The following TOGARAM1 variants were observed in gnomAD, a reference collection of about 807,000 sequenced individuals.
TOGARAM1 encodes TOG array regulator of axonemal microtubules protein 1.
A neutral mutation model predicts 166.6 loss-of-function variants in TOGARAM1; 100 were observed. That is an observed-to-expected ratio of 0.60 (90% CI 0.51 to 0.71). The LOEUF (loss-of-function observed/expected upper bound fraction) is 0.71. TOGARAM1 is among the 30% of genes least tolerant of loss of function. The probability of loss-of-function intolerance (pLI) is 0.00; values close to 1 mark genes in which losing one functional copy is unlikely to be tolerated. For synonymous variants in TOGARAM1, 758 were observed against 763.8 expected, an observed-to-expected ratio of 0.99 and a Z score of 0.13; for missense variants, 2,029 against 2,102.7, an observed-to-expected ratio of 0.96 and a Z score of 0.69.
In TOGARAM1 at chr14:45,009,119, T is replaced by G; in HGVS notation, c.3111T>G (p.Ser1037=). 1 of 1,613,432 alleles carries G rather than the reference T, an allele frequency of 6.2e-7. No homozygotes were observed. The highest frequency in any genetic ancestry group is 8.5e-7 in the Non-Finnish European group (1 of 1,179,366). The change falls in exon 6 of 20, where the codon TCT becomes TCG. Residue 1037 remains serine (S), a synonymous_variant. Coordinates refer to ENST00000361462, the MANE Select transcript of TOGARAM1 (RefSeq NM_001308120.2). ...YSQESLTSSL[S]TTPQGKRIMS... is the part of the protein sequence containing the mutation. Reference sequence around the variant, plus strand: ...AAGAATCATTGACTTCTTCTCTGTCTACAACTCCCCAGGGGAAGAGAATAA... The same window carrying G: ...AAGAATCATTGACTTCTTCTCTGTCGACAACTCCCCAGGGGAAGAGAATAA...
chr14:44,986,302 T>A (rs1886790045), intron 1 of TOGARAM1, among the ~76,000 whole-genome samples: 1 of 152,178 alleles, frequency 6.6e-6, no homozygotes, highest in Admixed American at 6.5e-5. Context: ...TTTTTTGTTG[T>A]TGTTAGAGAC....
intron 18 of TOGARAM1, 90 bp from the exon 19 acceptor site, chr14:45,071,622 A>ATTTTTTTTTT: frequency 3.9e-6 from 3 of 772,142 alleles, no homozygotes; most frequent in Non-Finnish European, 6.1e-6. Flanking sequence ...CCTAGAAGTG[A>ATTTTTTTTTT]TTTTTTTTTT....
chr14:45,045,067 G>A lies in TOGARAM1; in HGVS notation c.4154+197G>A, dbSNP rs558906421. ...TTTTATTATTTTTCTCATAGAATATGTATACTTCTTTTGTCCCTCGGGCAC... is the reference window on the plus strand; with the variant it reads ...TTTTATTATTTTTCTCATAGAATATATATACTTCTTTTGTCCCTCGGGCAC... On this transcript the variant is annotated intron_variant, in intron 13 of 19. Transcript: ENST00000361462. Among the ~76,000 whole-genome samples, 5 of 152,238 alleles carry A rather than the reference G, an allele frequency of 3.3e-5. No individual in the cohort carries two copies. In the South Asian group the frequency reaches 1.0e-3, roughly 32 times the overall value.
At chr14:44,970,969 T>A (rs1421142511) in intron 1 of TOGARAM1, among the ~76,000 whole-genome samples, 1 of 152,214 alleles carries the variant, frequency 6.6e-6, no homozygotes, top group Non-Finnish European at 1.5e-5. Context: ...CACATGTTTG[T>A]TCATAGGTGA....
chr14:45,069,378 T>A (rs1283603390), intron 18 of TOGARAM1, among the ~76,000 whole-genome samples: 12 of 150,440 alleles, frequency 8.0e-5, no homozygotes, highest in East Asian at 7.8e-4. Context: ...CAAAAAATTT[T>A]AAAAAATTAA....
At chr14:44,991,819 G>T (rs1025263312) in intron 1 of TOGARAM1, among the ~76,000 whole-genome samples, 1 of 151,678 alleles carries the variant, frequency 6.6e-6, no homozygotes, top group Non-Finnish European at 1.5e-5. Context: ...CTACTGAGAA[G>T]GGTCCCAAAG....
At position 45,066,605 on chromosome 14, in the gene TOGARAM1, C is replaced by T; in HGVS notation, c.4587C>T (p.Thr1529=). The change falls in exon 17 of 20, where the codon ACC becomes ACT. Residue 1529 remains threonine, a synonymous_variant. Coordinates refer to ENST00000361462, the MANE Select transcript of TOGARAM1 (RefSeq NM_001308120.2). The stretch of plus-strand genomic sequence containing the variant: ...CTGTAACTGAAGTTCGTGAAGTCAC[C>T]AGAAAATCAGTCCCTCGTAATTCCT... The part of the protein sequence containing the change: ...ERAVTEVREV[T]RKSVPRNSLE... The T allele has an allele frequency of 6.8e-6, 11 of 1,609,160 alleles. No homozygotes were observed. Among genetic ancestry groups the T allele is most frequent in the Non-Finnish European group, 9.3e-6 (11 of 1,176,678 alleles).
intron 19 of TOGARAM1, 128 bp from the exon 20 acceptor site, chr14:45,073,168 A>G (rs1247814721): frequency 1.1e-6 from 1 of 907,688 alleles, no homozygotes; most frequent in Admixed American, 3.2e-5. Context: ...GCTTCTTTTA[A>G]GAAGCCTAAC....
chr14:45,058,440 AC>A (rs1415728395), intron 16 of TOGARAM1, among the ~76,000 whole-genome samples: 3 of 152,000 alleles, frequency 2.0e-5, no homozygotes, highest in Non-Finnish European at 4.4e-5. Flanking sequence ...GACTATAGGC[AC>A]ACACCATCAT....
rs988595069 is a variant in TOGARAM1 at position 45,062,653 on chromosome 14, C to T, written c.4560-3925C>T. Among the ~76,000 whole-genome samples the T allele has an allele frequency of 2.6e-5, 4 of 152,110 alleles. No individual in the cohort carries two copies. In the East Asian group the frequency reaches 5.8e-4, roughly 22 times the overall value. ...AGAAACTGTACTTTGAGTATTCATACAATCATTCTGTTTTTCACTTTCAGT... is the reference window on the plus strand; with the variant it reads ...AGAAACTGTACTTTGAGTATTCATATAATCATTCTGTTTTTCACTTTCAGT... On this transcript the variant is annotated intron_variant, in intron 16 of 19. Transcript: ENST00000361462.
At chr14:44,998,610 G>C (rs1887546145) in intron 2 of TOGARAM1, among the ~76,000 whole-genome samples, 1 of 152,086 alleles carries the variant, frequency 6.6e-6, no homozygotes, top group African/African-American at 2.4e-5. Context: ...TCCAGCCTGG[G>C]CAATAAGAGT....
chr14:45,026,234 A>G (rs1486177406), intron 8 of TOGARAM1, among the ~76,000 whole-genome samples: 1 of 152,170 alleles, frequency 6.6e-6, no homozygotes, highest in East Asian at 1.9e-4. Flanking sequence ...ATTATCTCCC[A>G]TACAAGATCT....
At chr14:45,016,112 C>G (rs750279180) in intron 7 of TOGARAM1, among the ~76,000 whole-genome samples, 2 of 151,808 alleles carry the variant, frequency 1.3e-5, no homozygotes, top group African/African-American at 2.4e-5. Flanking sequence ...AAATACTTGT[C>G]AGGCCAGGCA....
intron 11 of TOGARAM1, among the ~76,000 whole-genome samples, chr14:45,035,509 A>C (rs1195855377): frequency 1.3e-5 from 2 of 152,226 alleles, no homozygotes; most frequent in African/African-American, 4.8e-5. Flanking sequence ...TTGTAGAAAA[A>C]AATGGACAAA....
chr14:44,999,773 T>A (rs1282194079), intron 3 of TOGARAM1, among the ~76,000 whole-genome samples: 1 of 152,138 alleles, frequency 6.6e-6, no homozygotes, highest in African/African-American at 2.4e-5. Context: ...GGTACATATT[T>A]GTGGGGGACA....
At chr14:45,047,793 C>T (rs1882148876) in intron 14 of TOGARAM1, among the ~76,000 whole-genome samples, 2 of 152,060 alleles carry the variant, frequency 1.3e-5, no homozygotes, top group Non-Finnish European at 2.9e-5. Context: ...TGGTGGCTCA[C>T]ACCTGTAATC....
At chr14:45,030,496 C>CT (rs1170610937) in intron 10 of TOGARAM1, among the ~76,000 whole-genome samples, 2 of 151,608 alleles carry the variant, frequency 1.3e-5, no homozygotes, top group African/African-American at 2.4e-5. Context: ...GATAATAGTG[C>CT]TTTTTTTTAT....
At chr14:45,056,192 A>G (rs1882628576) in intron 16 of TOGARAM1, among the ~76,000 whole-genome samples, 2 of 152,098 alleles carry the variant, frequency 1.3e-5, no homozygotes, top group Admixed American at 1.3e-4. Context: ...TTATTGGTAT[A>G]TAGAAATGCT....
intron 11 of TOGARAM1, among the ~76,000 whole-genome samples, chr14:45,033,917 CT>C (rs1367990123): frequency 6.6e-6 from 1 of 152,098 alleles, no homozygotes; most frequent in Admixed American, 6.6e-5. Flanking sequence ...AATCTCAGCA[CT>C]TTGGGAGGCC....
Sources: allele counts gnomAD v4.1 joint callset (sites outside exome capture counted in the v4.1 genomes callset), GRCh38; gene constraint gnomAD v4.1.1; transcripts MANE v1.5; gene names NCBI Gene and HGNC (gene_info 2026-07-23, HGNC 2026-07-21).